PHRF1: variants seen among roughly 807,000 people sequenced by gnomAD.
The protein encoded by PHRF1 is PHD and ring finger domains 1.
In PHRF1, 53 loss-of-function variants were observed where a neutral mutation model predicts 128.9. That is an observed-to-expected ratio of 0.41 (90% CI 0.33 to 0.52). PHRF1 has a LOEUF of 0.52. Ranked by LOEUF, PHRF1 falls within the 20% of genes least tolerant of loss-of-function variation. The pLI is 0.21. For missense variants in PHRF1, 2,503 were observed against 2,284.5 expected (o/e 1.10, Z -1.95); for synonymous variants, 1,178 against 980.6 (o/e 1.20, Z -3.76).
chr11:586,266 T>C (rs944992129), intron 3 of PHRF1, among the ~76,000 whole-genome samples: 3 of 152,234 alleles, frequency 2.0e-5, no homozygotes, highest in African/African-American at 7.2e-5. Context: ...ATGCCGGGAT[T>C]ACAGGCGTGA....
At chr11:582,794 G>C (rs1415278423) in intron 3 of PHRF1, among the ~76,000 whole-genome samples, 1 of 151,726 alleles carries the variant, frequency 6.6e-6, no homozygotes, top group Non-Finnish European at 1.5e-5. Context: ...AAAGTGCTGG[G>C]ATTACAGGCG....
At position 605,178 on chromosome 11, in the gene PHRF1, C is replaced by T. The variant is rs772050739; in HGVS notation, c.1212C>T (p.His404=). The T allele has an allele frequency of 5.0e-6, 8 of 1,613,512 alleles. No individual in the cohort carries two copies. Among genetic ancestry groups the T allele is most frequent in the East Asian group, 2.2e-5 (1 of 44,908 alleles). ...ARTLGLRRPV[H]SSCIPSVLKP... ...CGCTGGGCCTGCGCAGGCCTGTTCA[C>T]AGCAGCTGCATCCCGTCAGTGTTGA... The change falls in exon 11 of 18, where the codon CAC becomes CAT. Residue 404 remains histidine, a synonymous_variant. Coordinates refer to ENST00000264555, the MANE Select transcript of PHRF1 (RefSeq NM_001286581.2).
At position 611,701 on chromosome 11, in the gene PHRF1, A is replaced by G. The variant is rs764965837; in HGVS notation, c.4874A>G (p.Asp1625Gly). 1.2e-6 allele frequency: 2 copies of G among 1,613,124 alleles called. No homozygotes were observed. Among genetic ancestry groups the G allele is most frequent in the East Asian group, 4.5e-5 (2 of 44,888 alleles). Residue 1625 changes from aspartate to glycine, a missense_variant, in exon 18 of 18, where the codon GAC becomes GGC. Coordinates refer to ENST00000264555, the MANE Select transcript of PHRF1 (RefSeq NM_001286581.2). The stretch of plus-strand genomic sequence containing the variant: ...GCCAACCTGGTGAAGGCGTACGTGG[A>G]CAAGTACAGGCACATGCGCAGGCAC... ...KVANLVKAYVDKYRHMRRHKK... is the reference protein window; with the variant it reads ...KVANLVKAYVGKYRHMRRHKK...
At chr11:586,463 G>T (rs2132887597) in intron 3 of PHRF1, among the ~76,000 whole-genome samples, 1 of 152,344 alleles carries the variant, frequency 6.6e-6, no homozygotes, top group Middle Eastern at 3.4e-3. Flanking sequence ...CCCAGTGCTG[G>T]CAGGGTCCTG....
In PHRF1 at chr11:597,611, T is replaced by A; in HGVS notation, c.894+41T>A. 3 of 1,395,926 alleles carry A rather than the reference T, an allele frequency of 2.1e-6. No homozygotes were observed. Among genetic ancestry groups the A allele is most frequent in the Non-Finnish European group, 2.9e-6 (3 of 1,034,144 alleles). The allele number at this position is 1,395,926 out of a possible 1,614,324, so 86.5% of individuals were successfully genotyped here. A position where few individuals can be genotyped will look rare whatever the true frequency, so the allele number is the denominator to read the frequency against. On this transcript the variant is annotated intron_variant, in intron 8 of 17. Coordinates refer to ENST00000264555, the MANE Select transcript of PHRF1 (RefSeq NM_001286581.2). This position sits in a 1 kb window ranked among gnomAD's most constrained non-coding sequence, Gnocchi z 6.5. ...CTGACGCCAGTCGTAGAACCCCAGC[T>A]GCCCAGAGTGATCTCGGCAGTCTGG...
At chr11:584,009 C>T (rs568304786) in intron 3 of PHRF1, among the ~76,000 whole-genome samples, 1 of 152,344 alleles carries the variant, frequency 6.6e-6, no homozygotes, top group East Asian at 1.9e-4. Flanking sequence ...TTCTGCATAG[C>T]CCTGTGGTTA....
chr11:582,192 C>T (rs1416750208), intron 3 of PHRF1, 111 bp downstream of exon 3: 6 of 1,489,748 alleles, frequency 4.0e-6, no homozygotes, highest in Non-Finnish European at 5.4e-6. Context: ...TGGCCATGTC[C>T]CTGCGGTCAC....
rs199865524 is a variant in PHRF1, at chr11:581,975, G to A, written c.108G>A (p.Val36=). ...DPAGDFEESS[V]GSSGDSGDDS... ...CCTGGTGTCTAGAAGAAAGCAGCGTGGGCAGCAGTGGGGACTCTGGGGACG... is the reference window on the plus strand; with the variant it reads ...CCTGGTGTCTAGAAGAAAGCAGCGTAGGCAGCAGTGGGGACTCTGGGGACG... Residue 36 remains valine (V), a synonymous_variant, in exon 3 of 18, where the codon GTG becomes GTA. Coordinates refer to ENST00000264555, the MANE Select transcript of PHRF1 (RefSeq NM_001286581.2). 63 of 1,602,652 alleles carry A rather than the reference G, an allele frequency of 3.9e-5. No homozygotes were observed. In the African/African-American group the frequency reaches 7.1e-4, roughly 18 times the overall value.
At chr11:585,962 A>G (rs1854530190) in intron 3 of PHRF1, among the ~76,000 whole-genome samples, 1 of 151,802 alleles carries the variant, frequency 6.6e-6, no homozygotes, top group African/African-American at 2.4e-5. Context: ...CCCAGGTTCA[A>G]GCGATTCTCC....
In PHRF1 at chr11:592,594, G is replaced by A; in HGVS notation, c.540G>A (p.Glu180=). 6.2e-7 allele frequency: 1 copy of A among 1,614,092 alleles called. No individual in the cohort carries two copies. The highest frequency in any genetic ancestry group is 1.6e-4 in the Middle Eastern group (1 of 6,062). Residue 180 remains glutamate (E), a synonymous_variant, in exon 6 of 18, where the codon GAG becomes GAA. Transcript: ENST00000264555. ...PVENTKASEE[E]EDPTFCEVCG... is the part of the protein sequence containing the mutation. ...AGAACACCAAAGCGAGCGAGGAGGA[G>A]GAGGACCCGACCTTCTGTGAGGTGT...
In PHRF1 at chr11:607,895, C is replaced by T. The variant is rs780098962; in HGVS notation, c.2439C>T (p.Pro813=). The change falls in exon 14 of 18, where the codon CCC becomes CCT. Residue 813 remains proline, a synonymous_variant. Transcript: ENST00000264555. ...ATAAGGAGCAGAGGAAGGAGAACCCCTCACCCCTCTTCTCCATCAAGAAGA... is the reference window on the plus strand; with the variant it reads ...ATAAGGAGCAGAGGAAGGAGAACCCTTCACCCCTCTTCTCCATCAAGAAGA... ...VDDKEQRKEN[P]SPLFSIKKTK... is the part of the protein sequence containing the mutation. 4 of 1,612,596 alleles carry T rather than the reference C, an allele frequency of 2.5e-6. No individual in the cohort carries two copies. The highest frequency in any genetic ancestry group is 3.4e-6 in the Non-Finnish European group (4 of 1,179,884).
rs1855348590 is a variant in PHRF1, at chr11:597,339, T to C, written c.719-56T>C. 14 of 1,565,434 alleles carry C rather than the reference T, an allele frequency of 8.9e-6. No homozygotes were observed. In the Middle Eastern group the frequency reaches 5.1e-4, roughly 57 times the overall value. ...GGCCGGCAGCCACAGGGGGAGCCGT[T>C]GGGGGAGGCGTGTGGCCTGTGAGTG... is the stretch of plus-strand genomic sequence containing the variant. On this transcript the variant is annotated intron_variant, in intron 7 of 17. Coordinates refer to ENST00000264555, the MANE Select transcript of PHRF1 (RefSeq NM_001286581.2). The surrounding 1 kb of genome is among the most constrained non-coding windows in gnomAD (Gnocchi z 6.5).
rs755974915 is a variant in PHRF1, at chr11:607,618, G to A, written c.2162G>A (p.Gly721Glu). Reference sequence around the variant, plus strand: ...CGACTGACTGGCAGGGAGGGCACCGGGCAGCCAGGGCGAGGCACACGGGCA... The same window carrying A: ...CGACTGACTGGCAGGGAGGGCACCGAGCAGCCAGGGCGAGGCACACGGGCA... ...ISRLTGREGT[G>E]QPGRGTRAES... is the part of the protein sequence containing the mutation. The change falls in exon 14 of 18, where the codon GGG becomes GAG. Residue 721 changes from glycine to glutamate, a missense_variant. By Grantham distance (98) the Gly-to-Glu change is moderately conservative. Transcript: ENST00000264555. 6.2e-7 allele frequency: 1 copy of A among 1,612,142 alleles called. No individual in the cohort carries two copies.
At chr11:577,260 C>T (rs1224359185) in intron 1 of PHRF1, among the ~76,000 whole-genome samples, 1 of 152,250 alleles carries the variant, frequency 6.6e-6, no homozygotes, top group Non-Finnish European at 1.5e-5. Flanking sequence ...CCAGCGCCGG[C>T]AGCCGGGGAT....
At chr11:577,964 C>T (rs1331327740) in intron 1 of PHRF1, among the ~76,000 whole-genome samples, 1 of 152,260 alleles carries the variant, frequency 6.6e-6, no homozygotes, top group African/African-American at 2.4e-5. Flanking sequence ...ACAGTGGTTC[C>T]TCCACCCCAG....
chr11:579,730 AT>A (rs1307993338), intron 1 of PHRF1, among the ~76,000 whole-genome samples: 1 of 152,198 alleles, frequency 6.6e-6, no homozygotes, highest in African/African-American at 2.4e-5. Flanking sequence ...AGAAAGGTTA[AT>A]TACTAATTTG....
At chr11:610,428 T>C in intron 15 of PHRF1, 73 bp from the exon 16 acceptor site, 2 of 1,547,396 alleles carry the variant, frequency 1.3e-6, no homozygotes, top group Admixed American at 1.9e-5. Context: ...AGGCTGGGGC[T>C]GAGGCCTCAC....
chr11:589,629 C>T (rs1434196295), intron 4 of PHRF1, among the ~76,000 whole-genome samples: 5 of 152,240 alleles, frequency 3.3e-5, no homozygotes, highest in African/African-American at 1.2e-4. Flanking sequence ...TCACAGCACA[C>T]ACACGATGCC....
intron 4 of PHRF1, among the ~76,000 whole-genome samples, chr11:589,818 G>T (rs1564845139): frequency 1.3e-5 from 2 of 149,884 alleles, no homozygotes; most frequent in African/African-American, 4.9e-5. Flanking sequence ...CACAGAGCGT[G>T]CGGGGCTCAG....
Sources: gnomAD v4.1 joint callset for allele counts (sites outside exome capture counted in the v4.1 genomes callset) on GRCh38, gnomAD v4.1.1 for gene constraint, Gnocchi (gnomAD v3.1) non-coding constraint, MANE v1.5 for transcripts, NCBI Gene and HGNC (gene_info 2026-07-23, HGNC 2026-07-21) for gene names.